KCNQ5: variants seen among roughly 807,000 people sequenced by gnomAD.
KCNQ5 encodes the protein potassium voltage-gated channel subfamily KQT member 5.
Under a neutral mutation model 98.2 loss-of-function variants are expected in KCNQ5, and 30 were observed. The observed-to-expected ratio is 0.31, with a 90% CI of 0.23 to 0.41. The LOEUF (loss-of-function observed/expected upper bound fraction) is 0.41, where lower values mean the gene tolerates loss of function less well. KCNQ5 is among the 10% of genes least tolerant of loss of function. KCNQ5 has a pLI of 1.00. For missense variants in KCNQ5, 835 were observed against 1,182.5 expected, an observed-to-expected ratio of 0.71 and a Z score of 4.31; for synonymous variants, 458 against 449.4, an observed-to-expected ratio of 1.02 and a Z score of -0.24.
At chr6:72,847,061 GC>G (rs1300413996) in intron 1 of KCNQ5, among the ~76,000 whole-genome samples, 1 of 152,020 alleles carries the variant, frequency 6.6e-6, no homozygotes, top group African/African-American at 2.4e-5. Flanking sequence ...AGTTACTGAT[GC>G]TTTTTTTATC....
intron 1 of KCNQ5, among the ~76,000 whole-genome samples, chr6:72,965,831 C>T (rs1360024482): frequency 1.3e-5 from 2 of 152,048 alleles, no homozygotes; most frequent in South Asian, 4.2e-4. Flanking sequence ...CAGAATGGCC[C>T]ACTTTGTCTA....
intron 2 of KCNQ5, among the ~76,000 whole-genome samples, chr6:73,020,208 C>A (rs139648618): frequency 4.1e-4 from 63 of 152,262 alleles, no homozygotes; most frequent in African/African-American, 1.4e-3. Context: ...ACTGCCCCAA[C>A]TTTCAGATGC....
At chr6:72,871,793 C>T (rs948682268) in intron 1 of KCNQ5, among the ~76,000 whole-genome samples, 1 of 152,152 alleles carries the variant, frequency 6.6e-6, no homozygotes, top group Admixed American at 6.5e-5. Flanking sequence ...TCTCCCACCC[C>T]TCTGAGTATT....
At chr6:72,710,759 C>T (rs533385607) in intron 1 of KCNQ5, among the ~76,000 whole-genome samples, 10 of 152,066 alleles carry the variant, frequency 6.6e-5, no homozygotes, top group African/African-American at 1.2e-4. Context: ...CATCAATACC[C>T]CCACTTTTAA....
intron 10 of KCNQ5, chr6:73,158,267 T>G (rs9442897): frequency 0.35 from 59,882 of 169,338 alleles, 11,343 homozygotes; most frequent in Middle Eastern, 0.47. Flanking sequence ...TTTTTTTTTT[T>G]TTTTTTTTTT....
At chr6:72,829,835 A>G (rs1391227759) in intron 1 of KCNQ5, among the ~76,000 whole-genome samples, 1 of 152,174 alleles carries the variant, frequency 6.6e-6, no homozygotes, top group Non-Finnish European at 1.5e-5. Context: ...AGTAGTGGGA[A>G]AGTGGAACTA....
intron 1 of KCNQ5, among the ~76,000 whole-genome samples, chr6:72,734,096 G>A (rs914131226): frequency 6.6e-6 from 1 of 152,168 alleles, no homozygotes; most frequent in African/African-American, 2.4e-5. Context: ...TTAATTGTGT[G>A]GGATGGGCTT....
chr6:72,922,044 G>A (rs1283330170), intron 1 of KCNQ5, among the ~76,000 whole-genome samples: 1 of 152,148 alleles, frequency 6.6e-6, no homozygotes, highest in Non-Finnish European at 1.5e-5. Flanking sequence ...TACAGCTTTT[G>A]GTGGTATGTA....
chr6:73,076,115 C>A (rs78633353), intron 3 of KCNQ5, among the ~76,000 whole-genome samples: 2,018 of 152,262 alleles, frequency 0.013, 109 homozygotes, highest in Admixed American at 0.098. Flanking sequence ...CCCTCTCTCT[C>A]AAAGCACTGA....
At chr6:72,980,682 T>C (rs1582130756) in intron 1 of KCNQ5, among the ~76,000 whole-genome samples, 1 of 152,352 alleles carries the variant, frequency 6.6e-6, no homozygotes, top group African/African-American at 2.4e-5. Flanking sequence ...TCTTGCCTGA[T>C]TGCCCTGGCC....
chr6:73,180,288 G>A (rs972234519), intron 11 of KCNQ5, among the ~76,000 whole-genome samples: 9 of 152,162 alleles, frequency 5.9e-5, no homozygotes, highest in African/African-American at 1.9e-4. Context: ...TCAGCACAAC[G>A]TCATAGGTAC....
chr6:72,879,036 T>C (rs1778531192), intron 1 of KCNQ5, among the ~76,000 whole-genome samples: 1 of 152,178 alleles, frequency 6.6e-6, no homozygotes, highest in Non-Finnish European at 1.5e-5. Flanking sequence ...TCTTTCTATG[T>C]TATATATAAT....
intron 9 of KCNQ5, among the ~76,000 whole-genome samples, chr6:73,131,874 C>T (rs370384452): frequency 1.3e-5 from 2 of 152,332 alleles, no homozygotes; most frequent in South Asian, 4.1e-4. Flanking sequence ...CTGTTCTTTG[C>T]ATGTGCCTTC....
At chr6:72,981,282 T>C (rs1393164775) in intron 1 of KCNQ5, among the ~76,000 whole-genome samples, 1 of 152,230 alleles carries the variant, frequency 6.6e-6, no homozygotes, top group Non-Finnish European at 1.5e-5. Flanking sequence ...TGAATCCTTC[T>C]GGTCCTGGAC....
intron 10 of KCNQ5, among the ~76,000 whole-genome samples, chr6:73,150,810 T>G (rs1199381020): frequency 3.8e-5 from 4 of 105,726 alleles, no homozygotes; most frequent in African/African-American, 1.4e-4. Context: ...ATTAATGTAG[T>G]GTGGGAAGTG....
intron 2 of KCNQ5, among the ~76,000 whole-genome samples, chr6:73,037,519 A>G (rs1181888505): frequency 1.3e-5 from 2 of 152,168 alleles, no homozygotes; most frequent in Non-Finnish European, 2.9e-5. Flanking sequence ...CCCGTGGTCC[A>G]TTTTTAAATG....
At chr6:72,673,648 C>T (rs1172395815) in intron 1 of KCNQ5, among the ~76,000 whole-genome samples, 1 of 151,916 alleles carries the variant, frequency 6.6e-6, no homozygotes, top group Non-Finnish European at 1.5e-5. Context: ...GGAAGGAGGA[C>T]GTGGAGTGGG....
chr6:73,195,262 A>G lies in KCNQ5; in HGVS notation c.2647A>G (p.Thr883Ala). The G allele has an allele frequency of 6.2e-7, 1 of 1,614,196 alleles. No homozygotes were observed. Among genetic ancestry groups the G allele is most frequent in the Non-Finnish European group, 8.5e-7 (1 of 1,180,030 alleles). ...AGAGGTGGGTCCCGAAGAGACAGAG[A>G]CAGACACTTTTGATGCCGCACCGCA... ...DEEVGPEETE[T>A]DTFDAAPQPA... The change falls in exon 14 of 14, where the codon ACA becomes GCA. Residue 883 changes from threonine to alanine, a missense_variant. This residue lies in a region of KCNQ5 where 416 missense variants were observed against 446.9 expected (regional missense o/e 0.93). Coordinates refer to ENST00000370398, the MANE Select transcript of KCNQ5 (RefSeq NM_019842.4).
chr6:72,700,674 C>G (rs1768757149), intron 1 of KCNQ5, among the ~76,000 whole-genome samples: 1 of 152,196 alleles, frequency 6.6e-6, no homozygotes, highest in Admixed American at 6.5e-5. Context: ...CCCATTCACT[C>G]CGCCATGATC....
Sources: gnomAD v4.1 joint callset for allele counts (sites outside exome capture counted in the v4.1 genomes callset) on GRCh38, gnomAD v4.1.1 for gene constraint, gnomAD v4.1.1 regional missense constraint, MANE v1.5 for transcripts, NCBI Gene and HGNC (gene_info 2026-07-23, HGNC 2026-07-21) for gene names.